The following SLC2A9 variants were observed in gnomAD, a reference collection of about 807,000 sequenced individuals.
SLC2A9 encodes solute carrier family 2 member 9.
Under a neutral mutation model 50.6 loss-of-function variants are expected in SLC2A9, and 39 were observed. The ratio of observed to expected loss-of-function variants is 0.77; its 90% CI spans 0.60 to 1.01. The LOEUF (loss-of-function observed/expected upper bound fraction) is 1.01. Among genes scored for constraint, SLC2A9 ranks in the 50% least tolerant of loss-of-function variants. The pLI is 0.00. For synonymous variants in SLC2A9, 324 were observed against 276.9 expected (o/e 1.17, Z -1.69); for missense variants, 686 against 677.6 (o/e 1.01, Z -0.14).
intron 3 of SLC2A9, chr4:9,783,018 C>T (rs1800762): frequency 1.2e-5 from 19 of 1,614,094 alleles, no homozygotes; most frequent in African/African-American, 9.3e-5. Context: ...GAAGGCCCTC[C>T]GGCCGGCTTC....
chr4:9,988,999 G>C (rs985077726), intron 3 of SLC2A9, among the ~76,000 whole-genome samples: 2 of 152,230 alleles, frequency 1.3e-5, no homozygotes, highest in Non-Finnish European at 2.9e-5. Context: ...TAGTAGACCA[G>C]AGAACCTATG....
At chr4:9,918,396 C>A (rs1743288594) in intron 7 of SLC2A9, among the ~76,000 whole-genome samples, 1 of 152,170 alleles carries the variant, frequency 6.6e-6, no homozygotes, top group Non-Finnish European at 1.5e-5. Flanking sequence ...TGCCACTAAA[C>A]AGCATGGGTC....
intron 10 of SLC2A9, chr4:9,879,184 G>A (rs772105005): frequency 5.2e-5 from 51 of 985,174 alleles, no homozygotes; most frequent in Non-Finnish European, 6.0e-5. Flanking sequence ...TACACTAGGA[G>A]TTAATCTAGG....
At chr4:9,996,683 C>A in intron 3 of SLC2A9, 98 bp downstream of exon 3, 1 of 1,437,762 alleles carries the variant, frequency 7.0e-7, no homozygotes, top group Non-Finnish European at 9.6e-7. Flanking sequence ...AGTTGAACTG[C>A]CTGAGTGGAG....
At chr4:9,909,362 A>G (rs1293033146) in intron 7 of SLC2A9, among the ~76,000 whole-genome samples, 1 of 152,174 alleles carries the variant, frequency 6.6e-6, no homozygotes, top group African/African-American at 2.4e-5. Context: ...GTGGTCTTGG[A>G]GTTGCTATAC....
downstream of SLC2A9, among the ~76,000 whole-genome samples, chr4:9,825,958 C>G (rs1725063272): frequency 6.6e-6 from 1 of 152,194 alleles, no homozygotes. Flanking sequence ...GTCAAGGCTG[C>G]TTGTGGTAAA....
intron 3 of SLC2A9, among the ~76,000 whole-genome samples, chr4:9,809,208 G>A (rs1722527508): frequency 6.6e-6 from 1 of 152,202 alleles, no homozygotes; most frequent in African/African-American, 2.4e-5. Flanking sequence ...ATGGACAAAA[G>A]TGGACAGATA....
rs150176923 is a variant in SLC2A9, at chr4:9,782,452, C to A, written n.386-2387G>T. 1.1e-5 allele frequency: 18 copies of A among 1,613,862 alleles called. No homozygotes were observed. The African/African-American group carries it at 2.3e-4, about 20-fold the overall frequency. On this transcript the variant is annotated intron_variant and non_coding_transcript_variant, in intron 3 of 3. Transcript: ENST00000503803. ...TCATCAGCGTGGACCGCTACTGGGCCATCTCCAGGCCCTTCCGCTACAAGC... is the reference window on the plus strand; with the variant it reads ...TCATCAGCGTGGACCGCTACTGGGCAATCTCCAGGCCCTTCCGCTACAAGC...
chr4:9,800,151 G>A (rs1577320131), intron 3 of SLC2A9, among the ~76,000 whole-genome samples: 1 of 152,162 alleles, frequency 6.6e-6, no homozygotes, highest in East Asian at 1.9e-4. Context: ...CAGTATCCCT[G>A]CCAAGCTCAG....
Position 9,938,226 on chromosome 4 carries a change from G to T in SLC2A9, c.814+3687C>A, listed in dbSNP as rs1020706859. ...TATATAAAGTCATAATATTTCAGGA[G>T]AAATTTTCTGTGTCTCCAACCCATG... is the stretch of plus-strand genomic sequence containing the variant. On this transcript the variant is annotated intron_variant, in intron 6 of 11. Transcript: ENST00000264784. Among the ~76,000 whole-genome samples, 2 of 151,346 alleles carry T rather than the reference G, an allele frequency of 1.3e-5. 1 individual carries two copies. The highest frequency in any genetic ancestry group is 4.2e-4 in the South Asian group (2 of 4,790).
chr4:10,037,761 C>T (rs548531028), intron 1 of SLC2A9, among the ~76,000 whole-genome samples: 3 of 152,106 alleles, frequency 2.0e-5, no homozygotes, highest in South Asian at 2.1e-4. Context: ...CCAGCCTGAG[C>T]GACATGGTGA....
upstream of SLC2A9, among the ~76,000 whole-genome samples, chr4:10,022,670 A>G (rs1763585645): frequency 6.6e-6 from 1 of 152,234 alleles, no homozygotes; most frequent in Non-Finnish European, 1.5e-5. Flanking sequence ...TCAGTCCACA[A>G]AAGAGAGATC....
chr4:9,875,463 T>C (rs992212667), intron 10 of SLC2A9, among the ~76,000 whole-genome samples: 16 of 152,246 alleles, frequency 1.1e-4, no homozygotes, highest in African/African-American at 3.4e-4. Flanking sequence ...TTGGTGGCTC[T>C]GCTTGCTCTG....
At chr4:9,946,553 T>C (rs911830784) in intron 5 of SLC2A9, among the ~76,000 whole-genome samples, 23 of 152,226 alleles carry the variant, frequency 1.5e-4, no homozygotes, top group Admixed American at 1.5e-3. Context: ...TCCATGCTGC[T>C]GGATTGGAAA....
At chr4:9,841,914 C>A (rs1728139227) in intron 10 of SLC2A9, among the ~76,000 whole-genome samples, 1 of 152,116 alleles carries the variant, frequency 6.6e-6, no homozygotes, top group African/African-American at 2.4e-5. Flanking sequence ...ACTCTGTCTC[C>A]CCCATAAAAT....
At chr4:10,021,751 C>T (rs1763525118), upstream of SLC2A9, among the ~76,000 whole-genome samples, 1 of 151,582 alleles carries the variant, frequency 6.6e-6, no homozygotes, top group Admixed American at 6.6e-5. Flanking sequence ...TGCCATTAAC[C>T]TAGGATACCT....
At chr4:9,927,001 A>C (rs555271286) in intron 6 of SLC2A9, among the ~76,000 whole-genome samples, 12 of 150,894 alleles carry the variant, frequency 8.0e-5, no homozygotes, top group African/African-American at 2.7e-4. Context: ...GGCCTCCAGA[A>C]CTGTGAGGGA....
At chr4:9,880,379 G>A (rs1013047130) in intron 10 of SLC2A9, 24 of 985,460 alleles carry the variant, frequency 2.4e-5, no homozygotes, top group Non-Finnish European at 2.8e-5. Context: ...ATCTGGGATT[G>A]GGAGGTGCAG....
chr4:9,940,969 G>A lies in SLC2A9; in HGVS notation c.814+944C>T, dbSNP rs1393658950. The stretch of plus-strand genomic sequence containing the variant: ...AACCTTATATGCACCATCTAATTCA[G>A]TCCTCACAATGGCCCCATGAGGGAA... On this transcript the variant is annotated intron_variant, in intron 6 of 11. Coordinates refer to ENST00000264784, the MANE Select transcript of SLC2A9 (RefSeq NM_020041.3). Among the ~76,000 whole-genome samples the A allele has an allele frequency of 2.0e-5, 3 of 152,142 alleles. No individual in the cohort carries two copies. In the East Asian group the frequency reaches 5.8e-4, roughly 29 times the overall value.
Sources: allele counts gnomAD v4.1 joint callset (sites outside exome capture counted in the v4.1 genomes callset), GRCh38; gene constraint gnomAD v4.1.1; transcripts MANE v1.5; gene names NCBI Gene and HGNC (gene_info 2026-07-23, HGNC 2026-07-21).